Variants in ERC2 observed in about 807,000 individuals in gnomAD.
The protein encoded by ERC2 is ELKS/RAB6-interacting/CAST family member 2.
Under a neutral mutation model 114.8 loss-of-function variants are expected in ERC2, and 42 were observed. That is an observed-to-expected ratio of 0.37 (90% CI 0.29 to 0.47). ERC2 has a LOEUF of 0.47. Ranked by LOEUF, ERC2 falls within the 20% of genes least tolerant of loss-of-function variation. The pLI, the probability that ERC2 is intolerant of heterozygous loss-of-function variation, is 0.99. For synonymous variants in ERC2, 454 were observed against 425.5 expected, an observed-to-expected ratio of 1.07 and a Z score of -0.82; for missense variants, 939 against 1,150.7, an observed-to-expected ratio of 0.82 and a Z score of 2.66.
intron 3 of ERC2, among the ~76,000 whole-genome samples, chr3:56,207,377 G>A (rs1372305826): frequency 4.6e-5 from 7 of 151,648 alleles, no homozygotes; most frequent in Admixed American, 3.3e-4. Flanking sequence ...CCTTCACTCA[G>A]TCTCTTACCC....
At chr3:56,348,896 GA>G (rs1264877798) in intron 2 of ERC2, among the ~76,000 whole-genome samples, 8 of 28,014 alleles carry the variant, frequency 2.9e-4, no homozygotes, top group African/African-American at 5.4e-4. Flanking sequence ...AGGAAGGAAG[GA>G]AGGAAGGAAA....
chr3:56,406,940 A>G (rs530333323), intron 2 of ERC2, among the ~76,000 whole-genome samples: 2 of 152,320 alleles, frequency 1.3e-5, no homozygotes, highest in African/African-American at 2.4e-5. Flanking sequence ...TTCAAAGTCA[A>G]TGAGAATCAG....
intron 2 of ERC2, among the ~76,000 whole-genome samples, chr3:56,417,918 T>A (rs1321069714): frequency 1.3e-5 from 2 of 152,182 alleles, no homozygotes; most frequent in African/African-American, 4.8e-5. Context: ...AAACATCTGA[T>A]AAGTGTTAAG....
At chr3:55,602,757 C>G (rs543587355) in intron 17 of ERC2, among the ~76,000 whole-genome samples, 7 of 152,292 alleles carry the variant, frequency 4.6e-5, no homozygotes, top group South Asian at 2.1e-4. Flanking sequence ...ATTCACCCCC[C>G]CAATGAACGC....
chr3:55,543,692 C>T (rs976579955), intron 17 of ERC2, among the ~76,000 whole-genome samples: 4 of 152,222 alleles, frequency 2.6e-5, no homozygotes, highest in African/African-American at 7.2e-5. Flanking sequence ...CGGATTCACC[C>T]AGTCCATAGG....
intron 14 of ERC2, among the ~76,000 whole-genome samples, chr3:55,886,335 AT>A (rs111535522): frequency 0.029 from 4,371 of 152,326 alleles, 205 homozygotes; most frequent in African/African-American, 0.1. Flanking sequence ...GAATTTCAGT[AT>A]TTTTAATCTC....
intron 13 of ERC2, among the ~76,000 whole-genome samples, chr3:55,921,987 G>A (rs1373528103): frequency 3.9e-5 from 6 of 152,142 alleles, no homozygotes; most frequent in African/African-American, 1.4e-4. Flanking sequence ...TCAACCCAGA[G>A]ATACTGCTTT....
chr3:55,817,452 G>A (rs2059945615), intron 14 of ERC2, among the ~76,000 whole-genome samples: 1 of 152,196 alleles, frequency 6.6e-6, no homozygotes, highest in Non-Finnish European at 1.5e-5. Context: ...CCAAGGGATG[G>A]GCGGCCTTCA....
At chr3:56,079,907 G>T (rs1425956479) in intron 7 of ERC2, among the ~76,000 whole-genome samples, 1 of 152,122 alleles carries the variant, frequency 6.6e-6, no homozygotes, top group Non-Finnish European at 1.5e-5. Context: ...GATGATAGCA[G>T]GTGACACCAA....
rs543699001 is a variant in ERC2 at position 56,057,831 on chromosome 3, T to C, written c.1641+22986A>G. On this transcript the variant is annotated intron_variant, in intron 7 of 17. Transcript: ENST00000288221. ...ATAAATATAATTAATGAGTAAATGA[T>C]AGATTGTATTAAAAGGTGAAATACT... Among the ~76,000 whole-genome samples the C allele has an allele frequency of 2.0e-5, 3 of 152,084 alleles. No individual in the cohort carries two copies. In the East Asian group the frequency reaches 5.8e-4, roughly 29 times the overall value.
At chr3:56,026,206 C>T (rs950069083) in intron 7 of ERC2, among the ~76,000 whole-genome samples, 14 of 151,802 alleles carry the variant, frequency 9.2e-5, no homozygotes, top group African/African-American at 2.7e-4. Context: ...TGCACTACCA[C>T]GCCCAGCTAA....
Position 56,245,273 on chromosome 3 carries a change from A to G in ERC2, c.1074+50746T>C, listed in dbSNP as rs556020257. On this transcript the variant is annotated intron_variant, in intron 3 of 17. Coordinates refer to ENST00000288221, the MANE Select transcript of ERC2 (RefSeq NM_015576.3). ...CTGGTCTTCAAAACCAAGCGCATTT[A>G]CAGCAAAGAACAGAACATAATATGA... is the stretch of plus-strand genomic sequence containing the variant. 3.6e-4 allele frequency among the ~76,000 whole-genome samples: 54 copies of G among 152,058 alleles called. No individual in the cohort carries two copies. In the South Asian group the frequency reaches 5.2e-3, roughly 15 times the overall value.
At chr3:55,950,296 G>A in intron 13 of ERC2, 129 bp downstream of exon 13, 1 of 1,150,882 alleles carries the variant, frequency 8.7e-7, no homozygotes, top group Non-Finnish European at 1.2e-6. Context: ...TGGGTTCCCT[G>A]TTAGTGCTAG....
At chr3:55,603,069 C>T (rs568186222) in intron 17 of ERC2, among the ~76,000 whole-genome samples, 110 of 152,210 alleles carry the variant, frequency 7.2e-4, no homozygotes, top group African/African-American at 2.5e-3. Context: ...TATTCTTACT[C>T]CTCATGCTGG....
At chr3:55,911,578 G>A (rs1391710695) in intron 13 of ERC2, among the ~76,000 whole-genome samples, 1 of 152,144 alleles carries the variant, frequency 6.6e-6, no homozygotes, top group Non-Finnish European at 1.5e-5. Flanking sequence ...ATTTATGAAA[G>A]GATTTAACAC....
intron 3 of ERC2, among the ~76,000 whole-genome samples, chr3:56,241,875 G>A (rs2051345063): frequency 6.6e-6 from 1 of 152,170 alleles, no homozygotes; most frequent in South Asian, 2.1e-4. Context: ...TGCCAGTTTT[G>A]TAAATAAAGC....
At chr3:56,033,415 T>C (rs1252026622) in intron 7 of ERC2, among the ~76,000 whole-genome samples, 1 of 152,184 alleles carries the variant, frequency 6.6e-6, no homozygotes, top group African/African-American at 2.4e-5. Context: ...GTTTTAAACT[T>C]TTTTATATTT....
chr3:55,959,290 A>G (rs1460354128), intron 12 of ERC2, among the ~76,000 whole-genome samples: 1 of 152,068 alleles, frequency 6.6e-6, no homozygotes, highest in Non-Finnish European at 1.5e-5. Context: ...TCCTTCTAAC[A>G]TTCTCCCGTA....
At chr3:56,358,144 G>T (rs1387796860) in intron 2 of ERC2, among the ~76,000 whole-genome samples, 1 of 152,062 alleles carries the variant, frequency 6.6e-6, no homozygotes, top group East Asian at 1.9e-4. Flanking sequence ...TTTATTGTTG[G>T]AATGAACTTG....
Sources: gnomAD v4.1 joint callset for allele counts (sites outside exome capture counted in the v4.1 genomes callset) on GRCh38, gnomAD v4.1.1 for gene constraint, MANE v1.5 for transcripts, NCBI Gene and HGNC (gene_info 2026-07-23, HGNC 2026-07-21) for gene names.